Variants in FAM168B observed in about 807,000 individuals in gnomAD.
The protein encoded by FAM168B is myelin-associated neurite-outgrowth inhibitor.
In FAM168B, 19 loss-of-function variants were observed where a neutral mutation model predicts 21.8. The observed-to-expected ratio is 0.87, with a 90% CI of 0.61 to 1.28. The LOEUF is 1.28. Among genes scored for constraint, FAM168B ranks in the 50% most tolerant of loss-of-function variants. FAM168B has a pLI of 0.00. For missense variants in FAM168B, 233 were observed against 263.1 expected (o/e 0.89, Z 0.79); for synonymous variants, 126 against 104.8 (o/e 1.20, Z -1.24).
intron 5 of FAM168B, among the ~76,000 whole-genome samples, chr2:131,053,753 T>C (rs1211798705): frequency 3.9e-5 from 6 of 152,112 alleles, no homozygotes; most frequent in Admixed American, 2.0e-4. Context: ...AGCATACTTA[T>C]AGTCCCAGCT....
chr2:131,080,272 C>CT (rs879713061), intron 2 of FAM168B, among the ~76,000 whole-genome samples: 436 of 145,226 alleles, frequency 3.0e-3, no homozygotes, highest in South Asian at 0.017. Context: ...ACAGTAACGT[C>CT]TTTTTTTTTT....
intron 2 of FAM168B, among the ~76,000 whole-genome samples, chr2:131,078,319 A>G (rs1693263863): frequency 6.6e-6 from 1 of 152,254 alleles, no homozygotes; most frequent in Non-Finnish European, 1.5e-5. Context: ...TACATGAATT[A>G]TAGCAAATTA....
At chr2:131,087,799 T>A (rs957983600) in intron 1 of FAM168B, among the ~76,000 whole-genome samples, 1 of 152,098 alleles carries the variant, frequency 6.6e-6, no homozygotes, top group African/African-American at 2.4e-5. Flanking sequence ...CCAAGAGAAG[T>A]GAAAACACAT....
At chr2:131,079,645 C>T (rs1259932379) in intron 2 of FAM168B, among the ~76,000 whole-genome samples, 2 of 152,142 alleles carry the variant, frequency 1.3e-5, no homozygotes, top group African/African-American at 4.8e-5. Flanking sequence ...GACCTGCCAA[C>T]GCCTTGATTT....
Position 131,051,076 on chromosome 2 carries a change from A to C in FAM168B, c.*1389T>G, listed in dbSNP as rs557186739. The C allele has an allele frequency of 9.1e-6, 9 of 985,434 alleles. No individual in the cohort carries two copies. The highest frequency in any genetic ancestry group is 5.2e-4 in the Middle Eastern group (1 of 1,914). 61.0% of individuals were successfully genotyped at this position (985,434 alleles called of 1,614,324 possible). On this transcript the variant is annotated 3_prime_UTR_variant, in exon 7 of 7. Coordinates refer to ENST00000389915, the MANE Select transcript of FAM168B (RefSeq NM_001009993.4). ...TTCCTCTCCCACAATAAACCCTGCC[A>C]GCAAACGCACTCCAGCACTGCCTGG...
intron 3 of FAM168B, among the ~76,000 whole-genome samples, chr2:131,070,410 G>A (rs756009018): frequency 6.6e-6 from 1 of 152,178 alleles, no homozygotes; most frequent in Non-Finnish European, 1.5e-5. Context: ...GTGTTGTTAA[G>A]GATGTGGAGG....
chr2:131,086,716 C>A (rs981155492), intron 1 of FAM168B, among the ~76,000 whole-genome samples: 3 of 152,148 alleles, frequency 2.0e-5, no homozygotes, highest in African/African-American at 7.2e-5. Flanking sequence ...CAAACATATA[C>A]ATAATAAGAT....
rs1429844510 is a variant in FAM168B, at chr2:131,050,188, C to G, written c.*2277G>C. 6.1e-6 allele frequency: 6 copies of G among 985,444 alleles called. No individual in the cohort carries two copies. The highest frequency in any genetic ancestry group is 6.1e-5 in the Admixed American group (1 of 16,292). 61.0% of individuals were successfully genotyped at this position (985,444 alleles called of 1,614,324 possible). ...CTGTGTGTGCCAAGTACCAAGCAAG[C>G]CTGAAGAGATGCCTGTAACTTCTAA... is the stretch of plus-strand genomic sequence containing the variant. On this transcript the variant is annotated 3_prime_UTR_variant, in exon 7 of 7. Coordinates refer to ENST00000389915, the MANE Select transcript of FAM168B (RefSeq NM_001009993.4).
rs1261933059 is a variant in FAM168B at position 131,048,261 on chromosome 2, C to A, written c.*4204G>T. On this transcript the variant is annotated 3_prime_UTR_variant, in exon 7 of 7. Coordinates refer to ENST00000389915, the MANE Select transcript of FAM168B (RefSeq NM_001009993.4). ...CTCTCCGTGTGGCCAGCACAGCAACCCTGCTAGGAGCACAAACGGCTGGCC... is the reference window on the plus strand; with the variant it reads ...CTCTCCGTGTGGCCAGCACAGCAACACTGCTAGGAGCACAAACGGCTGGCC... The A allele has an allele frequency of 3.1e-6, 4 of 1,304,128 alleles. No homozygotes were observed. The highest frequency in any genetic ancestry group is 4.0e-6 in the Non-Finnish European group (4 of 988,928). The allele number at this position is 1,304,128 out of a possible 1,614,324, so 80.8% of individuals were successfully genotyped here.
At chr2:131,060,662 A>T (rs1431999146) in intron 3 of FAM168B, among the ~76,000 whole-genome samples, 1 of 152,136 alleles carries the variant, frequency 6.6e-6, no homozygotes, top group East Asian at 1.9e-4. Flanking sequence ...CACCTCACTC[A>T]TGTTAGGGAG....
Position 131,067,304 on chromosome 2 carries a change from C to T in FAM168B, c.154+4551G>A, listed in dbSNP as rs938602356. On this transcript the variant is annotated intron_variant, in intron 3 of 6. Coordinates refer to ENST00000389915, the MANE Select transcript of FAM168B (RefSeq NM_001009993.4). ...AAAAGACATCTCATCACAAGGGTCT[C>T]GGAATCCTCTTATATCACAATTGGA... Among the ~76,000 whole-genome samples, 17 of 152,244 alleles carry T rather than the reference C, an allele frequency of 1.1e-4. No individual in the cohort carries two copies. In the East Asian group the frequency reaches 2.9e-3, roughly 26 times the overall value.
rs569751071 is a variant in FAM168B at position 131,048,507 on chromosome 2, T to G, written c.*3958A>C. On this transcript the variant is annotated 3_prime_UTR_variant, in exon 7 of 7. Coordinates refer to ENST00000389915, the MANE Select transcript of FAM168B (RefSeq NM_001009993.4). ...CCAAGATAAGGCTATCCCCACAGGC[T>G]CTCTCTTCTTCAAATAATGAGTAGG... 5.1e-5 allele frequency: 56 copies of G among 1,099,944 alleles called. 1 individual carries two copies. The African/African-American group carries it at 7.8e-4, about 15-fold the overall frequency. The allele number at this position is 1,099,944 out of a possible 1,614,324, so 68.1% of individuals were successfully genotyped here. A position where few individuals can be genotyped will look rare whatever the true frequency, so the allele number is the denominator to read the frequency against.
At chr2:131,069,754 A>C (rs1692774460) in intron 3 of FAM168B, among the ~76,000 whole-genome samples, 1 of 151,980 alleles carries the variant, frequency 6.6e-6, no homozygotes, top group Non-Finnish European at 1.5e-5. Flanking sequence ...CGGCCTCCCA[A>C]AGTGCTGGGA....
rs555537434 is a variant in FAM168B at position 131,071,876 on chromosome 2, C to T, written c.133G>A (p.Ala45Thr). ...ATACCTGTTTGGAAGGTAGGATTCG[C>T]TCCAGGATACATGTTAGGAGAATAG... Reference protein sequence around the residue: ...PAYSPNMYPGANPTFQTGYTP... With the variant: ...PAYSPNMYPGTNPTFQTGYTP... Residue 45 changes from alanine to threonine, a missense_variant, in exon 3 of 7, where the codon GCG (alanine) becomes ACG (threonine). Ala to Thr is a moderately conservative substitution (Grantham distance 58). Transcript: ENST00000389915. The T allele has an allele frequency of 2.1e-4, 346 of 1,614,108 alleles. 4 individuals carry two copies. In the South Asian group the frequency reaches 3.4e-3, roughly 16 times the overall value.
chr2:131,074,823 GCCTGGATCCCTTGC>G (rs1693054901), intron 2 of FAM168B, among the ~76,000 whole-genome samples: 1 of 152,126 alleles, frequency 6.6e-6, no homozygotes, highest in Admixed American at 6.6e-5. Flanking sequence ...GGCCCCCTCA[GCCTGGATCCCTTGC>G]TCTATTGCCC....
chr2:131,054,181 C>T (rs1251723387), intron 5 of FAM168B, among the ~76,000 whole-genome samples: 1 of 150,494 alleles, frequency 6.6e-6, no homozygotes, highest in Non-Finnish European at 1.5e-5. Context: ...TGCACTCCAT[C>T]TTGGCTGACA....
chr2:131,078,260 G>A (rs566196249), intron 2 of FAM168B, among the ~76,000 whole-genome samples: 5 of 152,302 alleles, frequency 3.3e-5, no homozygotes, highest in African/African-American at 1.2e-4. Context: ...TCAGTAGTAT[G>A]TTGGAAAAAA....
At chr2:131,075,232 C>T (rs966306225) in intron 2 of FAM168B, among the ~76,000 whole-genome samples, 2 of 150,908 alleles carry the variant, frequency 1.3e-5, no homozygotes, top group Non-Finnish European at 2.9e-5. Context: ...CCTCAGAGAC[C>T]AGGGAACCAG....
Position 131,050,936 on chromosome 2 carries a change from C to A in FAM168B, c.*1529G>T. Reference sequence around the variant, plus strand: ...CTTACATCCCCCACCCCCACTCTGACCCTCACTGAGAACCGACATGCACTC... The same window carrying A: ...CTTACATCCCCCACCCCCACTCTGAACCTCACTGAGAACCGACATGCACTC... On this transcript the variant is annotated 3_prime_UTR_variant, in exon 7 of 7. Coordinates refer to ENST00000389915, the MANE Select transcript of FAM168B (RefSeq NM_001009993.4). 1 of 985,680 alleles carries A rather than the reference C, an allele frequency of 1.0e-6. No individual in the cohort carries two copies. Among genetic ancestry groups the A allele is most frequent in the African/African-American group, 1.7e-5 (1 of 57,360 alleles). 61.1% of individuals were successfully genotyped at this position (985,680 alleles called of 1,614,324 possible).
Sources: allele counts gnomAD v4.1 joint callset (sites outside exome capture counted in the v4.1 genomes callset), GRCh38; gene constraint gnomAD v4.1.1; transcripts MANE v1.5; gene names NCBI Gene and HGNC (gene_info 2026-07-23, HGNC 2026-07-21).